NLRP5: variants seen among roughly 807,000 people sequenced by gnomAD.
NLRP5 encodes the protein NACHT, LRR and PYD domains-containing protein 5.
A neutral mutation model predicts 113.1 loss-of-function variants in NLRP5; 93 were observed. The ratio of observed to expected loss-of-function variants is 0.82; its 90% CI spans 0.70 to 0.98. The LOEUF (loss-of-function observed/expected upper bound fraction) is 0.98. Ranked by LOEUF, NLRP5 falls within the 50% of genes least tolerant of loss-of-function variation. NLRP5 has a pLI of 0.00. For missense variants in NLRP5, 1,808 were observed against 1,514.3 expected (o/e 1.19, Z -3.22); for synonymous variants, 751 against 600.7 (o/e 1.25, Z -3.66).
intron 6 of NLRP5, among the ~76,000 whole-genome samples, chr19:56,021,142 T>C (rs1982601456): frequency 6.6e-6 from 1 of 152,154 alleles, no homozygotes; most frequent in Non-Finnish European, 1.5e-5. Flanking sequence ...AGTGCTGGGA[T>C]TACAGGCATT....
At chr19:55,990,275 G>C in the NLRP5 span, among the ~76,000 whole-genome samples, 1 of 151,604 alleles carries the variant, frequency 6.6e-6, no homozygotes, top group African/African-American at 2.4e-5. Flanking sequence ...TTTTAGTAGA[G>C]ATGCGGTTTC....
chr19:56,010,602 A>T (rs978868344), intron 3 of NLRP5, among the ~76,000 whole-genome samples: 2 of 151,018 alleles, frequency 1.3e-5, no homozygotes, highest in Non-Finnish European at 3.0e-5. Flanking sequence ...GGAAAAAAAA[A>T]ACTAGCCAGG....
chr19:55,987,964 C>A, the NLRP5 span: 12 of 1,415,726 alleles, frequency 8.5e-6, no homozygotes, highest in East Asian at 2.5e-4. Context: ...CCCACTCTGA[C>A]AACTGGCAAA....
In NLRP5 at chr19:56,012,477, G is replaced by A. The variant is rs369483933; in HGVS notation, c.509-3265G>A. Reference sequence around the variant, plus strand: ...TTTTTTTTTTTTTTCCGGATAACTCGATGCAGGTTTACATATCGTAAAATC... The same window carrying A: ...TTTTTTTTTTTTTTCCGGATAACTCAATGCAGGTTTACATATCGTAAAATC... On this transcript the variant is annotated intron_variant, in intron 3 of 14. Transcript: ENST00000390649. Among the ~76,000 whole-genome samples, 354 of 139,052 alleles carry A rather than the reference G, an allele frequency of 2.5e-3. 1 individual carries two copies. The highest frequency in any genetic ancestry group is 8.9e-3 in the African/African-American group (331 of 37,202). The allele number at this position is 139,052 out of a possible 152,430, so 91.2% of individuals were successfully genotyped here. A position where few individuals can be genotyped will look rare whatever the true frequency, so the allele number is the denominator to read the frequency against.
intron 10 of NLRP5, among the ~76,000 whole-genome samples, chr19:56,039,517 T>C (rs1450276545): frequency 6.6e-6 from 1 of 152,142 alleles, no homozygotes; most frequent in Non-Finnish European, 1.5e-5. Context: ...GGGTGTCATA[T>C]TCTCAAGGGG....
At chr19:56,017,979 A>G (rs377374223) in intron 4 of NLRP5, among the ~76,000 whole-genome samples, 1 of 152,128 alleles carries the variant, frequency 6.6e-6, no homozygotes, top group African/African-American at 2.4e-5. Context: ...TCCACCATAT[A>G]TCTAGCAAAT....
chr19:56,030,960 T>C (rs3097877), intron 7 of NLRP5, among the ~76,000 whole-genome samples: 121,970 of 151,544 alleles, frequency 0.8, 49,583 homozygotes, highest in Non-Finnish European at 0.85. Flanking sequence ...GATCCTCCCA[T>C]CTTGGCCTCC....
rs1295533340 is a variant in NLRP5 at position 56,003,924 on chromosome 19, T to C, written c.271T>C (p.Ser91Pro). ...ATTACTAAAGAAGAAATCTTCAGAA[T>C]CGACCACATGCTCTATTCCACAGTT... is the stretch of plus-strand genomic sequence containing the variant. The change falls in exon 2 of 15, where the codon TCG becomes CCG. Residue 91 changes from serine (S) to proline (P), a missense_variant. Transcript: ENST00000390649. 4 of 1,613,906 alleles carry C rather than the reference T, an allele frequency of 2.5e-6. No homozygotes were observed. In the African/African-American group the frequency reaches 5.3e-5, roughly 22 times the overall value.
chr19:56,025,789 C>A, intron 6 of NLRP5, among the ~76,000 whole-genome samples: 1 of 152,072 alleles, frequency 6.6e-6, no homozygotes, highest in Non-Finnish European at 1.5e-5. Context: ...CACACCTGTC[C>A]TACAGGTGTA....
At chr19:56,032,854 G>T in intron 8 of NLRP5, 73 bp downstream of exon 8, 2 of 1,442,054 alleles carry the variant, frequency 1.4e-6, no homozygotes, top group East Asian at 2.3e-5. Context: ...CCTCCTGAGA[G>T]ACCCATCTGA....
At chr19:56,042,322 T>C (rs1983550787) in intron 11 of NLRP5, among the ~76,000 whole-genome samples, 1 of 152,108 alleles carries the variant, frequency 6.6e-6, no homozygotes, top group Non-Finnish European at 1.5e-5. Context: ...GTTATTGGGG[T>C]ACAGGTGGTT....
At chr19:56,036,165 G>A (rs778959561) in intron 9 of NLRP5, among the ~76,000 whole-genome samples, 7 of 142,968 alleles carry the variant, frequency 4.9e-5, no homozygotes, top group African/African-American at 1.0e-4. Context: ...CTGGGTTCAC[G>A]CCATTCTCCT....
intron 2 of NLRP5, among the ~76,000 whole-genome samples, chr19:56,006,370 C>T (rs1981912322): frequency 6.6e-6 from 1 of 152,018 alleles, no homozygotes; most frequent in East Asian, 1.9e-4. Context: ...CACATGTATA[C>T]ATATGTAACA....
At chr19:56,013,848 T>C (rs1477185139) in intron 3 of NLRP5, among the ~76,000 whole-genome samples, 1 of 152,152 alleles carries the variant, frequency 6.6e-6, no homozygotes, top group Non-Finnish European at 1.5e-5. Flanking sequence ...TTTTTCATTG[T>C]AACCATCCTA....
intron 7 of NLRP5, among the ~76,000 whole-genome samples, chr19:56,030,036 C>G (rs557874374): frequency 1.3e-5 from 2 of 151,214 alleles, no homozygotes; most frequent in Non-Finnish European, 2.9e-5. Context: ...GCCTGGGCAA[C>G]AGAGTGAGAC....
At chr19:56,007,455 A>C (rs1356189598) in intron 2 of NLRP5, among the ~76,000 whole-genome samples, 1 of 151,036 alleles carries the variant, frequency 6.6e-6, no homozygotes, top group Non-Finnish European at 1.5e-5. Flanking sequence ...GGCTGAGATA[A>C]ACAAAGAAGA....
chr19:56,048,251 G>A (rs557073163), intron 11 of NLRP5, among the ~76,000 whole-genome samples: 7 of 152,218 alleles, frequency 4.6e-5, no homozygotes, highest in South Asian at 2.1e-4. Context: ...TGCATTCATC[G>A]TTCTCTTTGT....
chr19:56,061,591 A>C lies in NLRP5; in HGVS notation c.*63A>C, dbSNP rs866814591. 40 of 1,579,066 alleles carry C rather than the reference A, an allele frequency of 2.5e-5. No individual in the cohort carries two copies. The highest frequency in any genetic ancestry group is 4.5e-5 in the South Asian group (4 of 89,124). On this transcript the variant is annotated 3_prime_UTR_variant, in exon 15 of 15. Coordinates refer to ENST00000390649, the MANE Select transcript of NLRP5 (RefSeq NM_153447.4). ...GAGGAACTTTAAACGCTGTTTTCTC[A>C]GAGCAAGCTATGCACCTGGGAGTTC...
At position 56,013,515 on chromosome 19, in the gene NLRP5, T is replaced by C. The variant is rs73068153; in HGVS notation, c.509-2227T>C. Among the ~76,000 whole-genome samples, 16 of 151,608 alleles carry C rather than the reference T, an allele frequency of 1.1e-4. No individual in the cohort carries two copies. In the South Asian group the frequency reaches 3.3e-3, roughly 32 times the overall value. Reference sequence around the variant, plus strand: ...TCAATATCATAGCCTGTCTCAGGACTTCATAACTTTTTATGGCTGAACAGT... The same window carrying C: ...TCAATATCATAGCCTGTCTCAGGACCTCATAACTTTTTATGGCTGAACAGT... On this transcript the variant is annotated intron_variant, in intron 3 of 14. Coordinates refer to ENST00000390649, the MANE Select transcript of NLRP5 (RefSeq NM_153447.4).
Sources: gnomAD v4.1 joint callset for allele counts (sites outside exome capture counted in the v4.1 genomes callset) on GRCh38, gnomAD v4.1.1 for gene constraint, MANE v1.5 for transcripts, NCBI Gene and HGNC (gene_info 2026-07-23, HGNC 2026-07-21) for gene names.